The following SERF2 variants were observed in gnomAD, a reference collection of about 807,000 sequenced individuals.
The protein encoded by SERF2 is small EDRK-rich factor 2, also known as gastric cancer-related protein VRG107.
Under a neutral mutation model 10.7 loss-of-function variants are expected in SERF2, and 4 were observed. The ratio of observed to expected loss-of-function variants is 0.37; its 90% CI spans 0.18 to 0.86. The LOEUF (loss-of-function observed/expected upper bound fraction) is 0.86, where lower values mean the gene tolerates loss of function less well. Among genes scored for constraint, SERF2 ranks in the 40% least tolerant of loss-of-function variants. The pLI is 0.43. For missense variants in SERF2, 47 were observed against 79.1 expected, an observed-to-expected ratio of 0.59 and a Z score of 1.54; for synonymous variants, 26 against 26.0, an observed-to-expected ratio of 1.00 and a Z score of 0.01.
intron 1 of SERF2, chr15:43,792,694 G>A: frequency 8.8e-7 from 1 of 1,140,620 alleles, no homozygotes; most frequent in Non-Finnish European, 1.2e-6. Context: ...GACCCAAACC[G>A]TCCACACACA....
At chr15:43,781,592 CTTTTTTTT>C (rs565641402) in intron 1 of SERF2, among the ~76,000 whole-genome samples, 1 of 134,614 alleles carries the variant, frequency 7.4e-6, no homozygotes, top group African/African-American at 2.8e-5. Context: ...TGCATTTTTC[CTTTTTTTT>C]TTTTTTTTTG....
chr15:43,785,927 T>G (rs992042156), intron 2 of SERF2, among the ~76,000 whole-genome samples: 2 of 151,328 alleles, frequency 1.3e-5, no homozygotes, highest in African/African-American at 4.9e-5. Flanking sequence ...GCTGGTCTTG[T>G]ACTCCTGACC....
upstream of SERF2, chr15:43,792,298 T>G: frequency 8.0e-7 from 1 of 1,247,306 alleles, no homozygotes; most frequent in Non-Finnish European, 1.2e-6. Context: ...TGTGCTACGT[T>G]GCCAGAAGGG....
Position 43,795,083 on chromosome 15 carries a change from G to C in SERF2, c.*1310G>C, listed in dbSNP as rs773087720. ...ATAAGGGGCTGGGGTTTCTGGGTGG[G>C]GGGCCAACAGAGTGGTGCCAGTAAC... On this transcript the variant is annotated 3_prime_UTR_variant, in exon 3 of 3. Transcript: ENST00000249786. 2 of 1,613,728 alleles carry C rather than the reference G, an allele frequency of 1.2e-6. No homozygotes were observed. Among genetic ancestry groups the C allele is most frequent in the South Asian group, 2.2e-5 (2 of 91,062 alleles).
At chr15:43,793,229 C>A in intron 2 of SERF2, 146 bp downstream of exon 2, 1 of 606,214 alleles carries the variant, frequency 1.6e-6, no homozygotes, top group Non-Finnish European at 3.0e-6. Flanking sequence ...TTTATTTCCT[C>A]CCCACCCTCC....
At chr15:43,788,274 T>C (rs138482771), upstream of SERF2, among the ~76,000 whole-genome samples, 74 of 152,214 alleles carry the variant, frequency 4.9e-4, 1 homozygote, top group East Asian at 0.014. Context: ...CTTCCCAAAG[T>C]GCTGAGATTA....
At position 43,794,699 on chromosome 15, in the gene SERF2, G is replaced by A. The variant is rs758848247; in HGVS notation, c.*926G>A. 3 of 299,944 alleles carry A rather than the reference G, an allele frequency of 1.0e-5. No individual in the cohort carries two copies. The highest frequency in any genetic ancestry group is 9.0e-5 in the Admixed American group (2 of 22,128). 18.6% of individuals were successfully genotyped at this position (299,944 alleles called of 1,614,324 possible). A position where few individuals can be genotyped will look rare whatever the true frequency, so the allele number is the denominator to read the frequency against. ...TTCCCCACCCCCACTTCCAGCCCAA[G>A]AGCCAGGAAAGGGCTGGTGCCACAC... On this transcript the variant is annotated 3_prime_UTR_variant, in exon 3 of 3. Coordinates refer to ENST00000249786, the MANE Select transcript of SERF2 (RefSeq NM_001018108.4).
rs1193599421 is a variant in SERF2 at position 43,793,747 on chromosome 15, A to G, written c.154A>G (p.Asn52Asp). The G allele has an allele frequency of 1.2e-6, 2 of 1,614,046 alleles. No homozygotes were observed. Among genetic ancestry groups the G allele is most frequent in the African/African-American group, 2.7e-5 (2 of 74,896 alleles). Residue 52 changes from asparagine (N) to aspartate (D), a missense_variant, in exon 3 of 3, where the codon AAC (asparagine) becomes GAC (aspartate). Physicochemically the swap from Asn to Asp is conservative, Grantham distance 23 (BLOSUM62 1). Transcript: ENST00000249786. ...CATGCAGCAGAAGCAGAAAAAGGCA[A>G]ACGAGAAGAAGGAGGAACCCAAGTA... ...EIMQQKQKKA[N>D]EKKEEPK
At chr15:43,792,812 C>T (rs2087098264) in intron 1 of SERF2, 163 bp from the exon 2 acceptor site, 14 of 674,636 alleles carry the variant, frequency 2.1e-5, no homozygotes, top group Admixed American at 1.5e-4. Flanking sequence ...GGCAGATTCG[C>T]CACTCCCCCC....
At chr15:43,777,214 TCTCA>T (rs1285199114) in exon 1 of SERF2, 6 of 555,010 alleles carry the variant, frequency 1.1e-5, no homozygotes, top group South Asian at 3.1e-5. Context: ...GCGTCTGACC[TCTCA>T]CTCAGAGTCC....
At chr15:43,778,794 TG>T (rs1466755870) in intron 1 of SERF2, among the ~76,000 whole-genome samples, 1 of 151,570 alleles carries the variant, frequency 6.6e-6, no homozygotes, top group Admixed American at 6.6e-5. Flanking sequence ...CCCAGCTACT[TG>T]GGAGGCTGAG....
intron 2 of SERF2, among the ~76,000 whole-genome samples, chr15:43,785,699 TTTTTC>T: frequency 6.8e-6 from 1 of 146,058 alleles, no homozygotes; most frequent in Non-Finnish European, 1.5e-5. Context: ...CTGAATTTTC[TTTTTC>T]TTTTTTTTTT....
At chr15:43,792,742 A>C in intron 1 of SERF2, 1 of 818,544 alleles carries the variant, frequency 1.2e-6, no homozygotes, top group Non-Finnish European at 1.8e-6. Context: ...GCCCCAAAAC[A>C]CGCCTCCAGC....
exon 1 of SERF2, chr15:43,777,246 T>C: frequency 2.1e-6 from 1 of 477,190 alleles, no homozygotes. Context: ...TGCCTTAGTT[T>C]CCCCAGCGAC....
rs1430230342 is a variant in SERF2, at chr15:43,795,875, A to G, written c.*2102A>G. ...GGTTCAAATTCTAGCTCCAGCATAT[A>G]AGTGGCTGTGCAGACTTTGGTAAGA... On this transcript the variant is annotated 3_prime_UTR_variant, in exon 3 of 3. Transcript: ENST00000249786. 1.1e-5 allele frequency: 9 copies of G among 817,824 alleles called. No homozygotes were observed. The highest frequency in any genetic ancestry group is 1.5e-5 in the Non-Finnish European group (8 of 525,322). The allele number at this position is 817,824 out of a possible 1,614,324, so 50.7% of individuals were successfully genotyped here. A position where few individuals can be genotyped will look rare whatever the true frequency, so the allele number is the denominator to read the frequency against.
upstream of SERF2, chr15:43,792,291 G>A (rs2087076080): frequency 1.7e-6 from 2 of 1,184,292 alleles, no homozygotes; most frequent in Non-Finnish European, 1.3e-6. Context: ...GAACGACTGT[G>A]CTACGTTGCC....
At chr15:43,792,598 G>A in intron 1 of SERF2, 4 of 1,443,210 alleles carry the variant, frequency 2.8e-6, no homozygotes, top group South Asian at 1.4e-5. Context: ...AGGCCCTCCC[G>A]GATCTTCCGC....
At chr15:43,791,959 TAC>T (rs2087067610), upstream of SERF2, 4 of 275,520 alleles carry the variant, frequency 1.5e-5, no homozygotes, top group Non-Finnish European at 2.9e-5. Flanking sequence ...CCCTCTTGTC[TAC>T]GGGCGTTCTT....
rs1368240595 is a variant in SERF2, at chr15:43,794,736, A to G, written c.*963A>G. The stretch of plus-strand genomic sequence containing the variant: ...GGCTGGTGCCACACTGTCTGCTGGG[A>G]TCAGCGGTGGTTCTTTGAGCTGCTG... On this transcript the variant is annotated 3_prime_UTR_variant, in exon 3 of 3. Transcript: ENST00000249786. The G allele has an allele frequency of 4.7e-6, 2 of 423,598 alleles. No homozygotes were observed. The highest frequency in any genetic ancestry group is 4.3e-6 in the Non-Finnish European group (1 of 233,280). 26.2% of individuals were successfully genotyped at this position (423,598 alleles called of 1,614,324 possible). A position where few individuals can be genotyped will look rare whatever the true frequency, so the allele number is the denominator to read the frequency against.
Sources: gnomAD v4.1 joint callset for allele counts (sites outside exome capture counted in the v4.1 genomes callset) on GRCh38, gnomAD v4.1.1 for gene constraint, MANE v1.5 for transcripts, NCBI Gene and HGNC (gene_info 2026-07-23, HGNC 2026-07-21) for gene names.